The following RIT2 variants were observed in gnomAD, a reference collection of about 807,000 sequenced individuals.
RIT2 encodes the protein Ras like without CAAX 2.
A neutral mutation model predicts 23.7 loss-of-function variants in RIT2; 24 were observed. The ratio of observed to expected loss-of-function variants is 1.01; its 90% confidence interval spans 0.73 to 1.43. The LOEUF is 1.43. Among genes scored for constraint, RIT2 ranks in the 40% most tolerant of loss-of-function variants. The pLI, the probability that RIT2 is intolerant of heterozygous loss-of-function variation, is 0.00. For synonymous variants in RIT2, 107 were observed against 91.1 expected, an observed-to-expected ratio of 1.17 and a Z score of -0.99; for missense variants, 236 against 266.9, an observed-to-expected ratio of 0.88 and a Z score of 0.81.
Position 42,993,502 on chromosome 18 carries a change from T to C in RIT2, c.161-19355A>G, listed in dbSNP as rs537238907. Among the ~76,000 whole-genome samples, 34 of 152,276 alleles carry C rather than the reference T, an allele frequency of 2.2e-4. 1 individual carries two copies. In the South Asian group the frequency reaches 7.1e-3, roughly 32 times the overall value. ...CCTTCTTTTCAAGGGCCTGTTTCCCTTGCCTCCATAACTGTTGTGGGTATT... is the reference window on the plus strand; with the variant it reads ...CCTTCTTTTCAAGGGCCTGTTTCCCCTGCCTCCATAACTGTTGTGGGTATT... On this transcript the variant is annotated intron_variant, in intron 2 of 4. Coordinates refer to ENST00000326695, the MANE Select transcript of RIT2 (RefSeq NM_002930.4).
intron 4 of RIT2, among the ~76,000 whole-genome samples, chr18:42,856,184 T>C (rs1001655151): frequency 6.6e-6 from 1 of 152,226 alleles, no homozygotes; most frequent in Middle Eastern, 3.2e-3. Context: ...CACCTTTCTA[T>C]GTAAAAACTA....
chr18:43,020,014 A>G (rs1345762561), intron 2 of RIT2, among the ~76,000 whole-genome samples: 2 of 152,044 alleles, frequency 1.3e-5, no homozygotes, highest in East Asian at 3.9e-4. Context: ...GCTGCAAAAC[A>G]CTGATGAAAG....
intron 4 of RIT2, among the ~76,000 whole-genome samples, chr18:42,803,210 T>G (rs1237389508): frequency 1.3e-5 from 2 of 152,246 alleles, no homozygotes; most frequent in Admixed American, 6.5e-5. Context: ...ACCTATTTTT[T>G]GTTCAAATAT....
At chr18:42,878,605 G>A (rs1414374937) in intron 4 of RIT2, among the ~76,000 whole-genome samples, 1 of 151,020 alleles carries the variant, frequency 6.6e-6, no homozygotes, top group Non-Finnish European at 1.5e-5. Context: ...GTGTATGTGT[G>A]TATAAGTTAT....
chr18:43,024,396 A>C (rs1911662717), intron 2 of RIT2, among the ~76,000 whole-genome samples: 1 of 152,102 alleles, frequency 6.6e-6, no homozygotes. Context: ...ACCATATACA[A>C]ATATTAACTC....
intron 1 of RIT2, among the ~76,000 whole-genome samples, chr18:43,051,156 T>G (rs1434304060): frequency 6.6e-6 from 1 of 152,002 alleles, no homozygotes; most frequent in African/African-American, 2.4e-5. Flanking sequence ...CCCCCCTGAC[T>G]TAGAGGAGAC....
At chr18:42,886,708 T>C (rs1413578538) in intron 4 of RIT2, among the ~76,000 whole-genome samples, 1 of 152,152 alleles carries the variant, frequency 6.6e-6, no homozygotes, top group Non-Finnish European at 1.5e-5. Context: ...GGAATATTAA[T>C]ATAATAAATA....
intron 2 of RIT2, among the ~76,000 whole-genome samples, chr18:43,002,966 A>G (rs182115539): frequency 2.2e-4 from 33 of 152,066 alleles, no homozygotes; most frequent in Non-Finnish European, 4.3e-4. Flanking sequence ...AAGGAAGGAT[A>G]GAAATATGCT....
intron 4 of RIT2, among the ~76,000 whole-genome samples, chr18:42,813,030 T>C (rs1433401697): frequency 2.0e-5 from 3 of 152,232 alleles, no homozygotes; most frequent in Non-Finnish European, 4.4e-5. Context: ...GTTAGGTTCA[T>C]GTTAGTATCT....
At chr18:42,892,720 T>C (rs1210918919) in intron 4 of RIT2, among the ~76,000 whole-genome samples, 1 of 152,242 alleles carries the variant, frequency 6.6e-6, no homozygotes, top group Admixed American at 6.5e-5. Context: ...GAGTATCTAT[T>C]TTTCTTTGAG....
intron 1 of RIT2, among the ~76,000 whole-genome samples, chr18:43,042,269 C>T (rs1462236417): frequency 6.6e-6 from 1 of 152,184 alleles, no homozygotes; most frequent in East Asian, 1.9e-4. Flanking sequence ...TAACTTAAAA[C>T]CGCCTCCAAA....
intron 4 of RIT2, among the ~76,000 whole-genome samples, chr18:42,797,986 ATTTCC>A (rs1023312603): frequency 6.6e-6 from 1 of 151,982 alleles, no homozygotes; most frequent in Non-Finnish European, 1.5e-5. Flanking sequence ...CATCCTCTAT[ATTTCC>A]TTTCAGATCT....
intron 1 of RIT2, among the ~76,000 whole-genome samples, chr18:43,040,486 C>T (rs541847463): frequency 6.6e-6 from 1 of 152,268 alleles, no homozygotes; most frequent in African/African-American, 2.4e-5. Context: ...ATCCTCTCAT[C>T]AAGTGGTCTC....
intron 1 of RIT2, among the ~76,000 whole-genome samples, chr18:43,049,501 A>G (rs1912326608): frequency 6.6e-6 from 1 of 152,158 alleles, no homozygotes; most frequent in African/African-American, 2.4e-5. Flanking sequence ...TAAAAGGGGT[A>G]AATTCTATCT....
rs114994087 is a variant in RIT2 at position 43,048,030 on chromosome 18, A to G, written c.104-14163T>C. On this transcript the variant is annotated intron_variant, in intron 1 of 4. Transcript: ENST00000326695. ...GCTGACTCAGGGATAACCCACAGGG[A>G]TCTGCGATCTATCAAATTTGGAATC... 4.5e-3 allele frequency among the ~76,000 whole-genome samples: 690 copies of G among 152,268 alleles called. 3 individuals carry two copies. Among genetic ancestry groups the G allele is most frequent in the African/African-American group, 0.016 (652 of 41,560 alleles).
chr18:42,935,068 T>C (rs1475745449), intron 3 of RIT2, among the ~76,000 whole-genome samples: 1 of 152,068 alleles, frequency 6.6e-6, no homozygotes, highest in Non-Finnish European at 1.5e-5. Context: ...AGAGTGTCTG[T>C]GGGTAGTGAT....
intron 4 of RIT2, among the ~76,000 whole-genome samples, chr18:42,892,061 T>C (rs187693323): frequency 6.6e-6 from 1 of 152,090 alleles, no homozygotes; most frequent in East Asian, 1.9e-4. Context: ...AAAAACACAC[T>C]CTAAAAAATA....
intron 2 of RIT2, among the ~76,000 whole-genome samples, chr18:43,028,406 C>T (rs187416532): frequency 2.0e-5 from 3 of 152,038 alleles, no homozygotes; most frequent in East Asian, 3.9e-4. Context: ...AAAGAACTAA[C>T]GGGAGTCCAG....
At chr18:42,956,873 A>G (rs908468990) in intron 3 of RIT2, among the ~76,000 whole-genome samples, 4 of 152,142 alleles carry the variant, frequency 2.6e-5, no homozygotes, top group Non-Finnish European at 4.4e-5. Context: ...AAGGCTGCTA[A>G]GAGAGGAGGT....
Sources: allele counts gnomAD v4.1 joint callset (sites outside exome capture counted in the v4.1 genomes callset), GRCh38; gene constraint gnomAD v4.1.1; transcripts MANE v1.5; gene names NCBI Gene and HGNC (gene_info 2026-07-23, HGNC 2026-07-21).